The following CNTN5 variants were observed in gnomAD, a reference collection of about 807,000 sequenced individuals.
CNTN5 encodes the protein contactin 5.
In CNTN5, 77 loss-of-function variants were observed where a neutral mutation model predicts 129.1. That is an observed-to-expected ratio of 0.60 (90% CI 0.50 to 0.72). The LOEUF (loss-of-function observed/expected upper bound fraction) is 0.72, where lower values mean the gene tolerates loss of function less well. CNTN5 is among the 30% of genes least tolerant of loss of function. The pLI is 0.00. For synonymous variants in CNTN5, 509 were observed against 465.6 expected (o/e 1.09, Z -1.20); for missense variants, 1,478 against 1,328.8 (o/e 1.11, Z -1.75).
chr11:99,948,545 A>G (rs1332118316), intron 7 of CNTN5, among the ~76,000 whole-genome samples: 1 of 152,162 alleles, frequency 6.6e-6, no homozygotes, highest in Non-Finnish European at 1.5e-5. Context: ...ATTACATCCC[A>G]TGCATATAAA....
chr11:99,103,094 G>A (rs781149265), intron 1 of CNTN5, among the ~76,000 whole-genome samples: 7 of 152,068 alleles, frequency 4.6e-5, no homozygotes, highest in South Asian at 4.1e-4. Flanking sequence ...ATCAGATCTC[G>A]TAAGGCTTAT....
chr11:100,118,248 TA>T (rs1945903819), intron 13 of CNTN5, among the ~76,000 whole-genome samples: 1 of 151,806 alleles, frequency 6.6e-6, no homozygotes, highest in Non-Finnish European at 1.5e-5. Context: ...ACTGTTGGGG[TA>T]GTGTAGGAGA....
intron 23 of CNTN5, among the ~76,000 whole-genome samples, chr11:100,341,982 A>G (rs1407421744): frequency 6.6e-6 from 1 of 151,872 alleles, no homozygotes; most frequent in African/African-American, 2.4e-5. Context: ...AGCTATCATT[A>G]TAGGTGGGTT....
chr11:100,241,864 A>G (rs1949748802), intron 16 of CNTN5, among the ~76,000 whole-genome samples: 1 of 152,224 alleles, frequency 6.6e-6, no homozygotes, highest in Non-Finnish European at 1.5e-5. Flanking sequence ...AACTGCCTGA[A>G]GCATCACAAT....
intron 6 of CNTN5, among the ~76,000 whole-genome samples, chr11:99,891,151 A>T (rs943420798): frequency 6.6e-6 from 1 of 152,076 alleles, no homozygotes; most frequent in African/African-American, 2.4e-5. Context: ...ACTTTAGTTA[A>T]TAACAATATA....
chr11:99,257,922 C>T (rs937661719), intron 1 of CNTN5, among the ~76,000 whole-genome samples: 1 of 151,932 alleles, frequency 6.6e-6, no homozygotes. Context: ...AAGTATCATT[C>T]CTATTTTACG....
chr11:99,247,921 T>C (rs1446639257), intron 1 of CNTN5, among the ~76,000 whole-genome samples: 1 of 152,192 alleles, frequency 6.6e-6, no homozygotes, highest in Non-Finnish European at 1.5e-5. Flanking sequence ...GCAATAAACA[T>C]ATGTGTGCAA....
chr11:99,656,217 A>G lies in CNTN5; in HGVS notation c.55+99948A>G, dbSNP rs116448039. Among the ~76,000 whole-genome samples the G allele has an allele frequency of 3.0e-3, 458 of 152,206 alleles. 3 individuals are homozygous for G. Among genetic ancestry groups the G allele is most frequent in the African/African-American group, 0.01 (424 of 41,556 alleles). On this transcript the variant is annotated intron_variant, in intron 3 of 24. Coordinates refer to ENST00000524871, the MANE Select transcript of CNTN5 (RefSeq NM_014361.4). ...TTCATTTAAAAATGAATTGTAAGGT[A>G]TGAAAAAGAGATAGATTAAAACAAG...
At chr11:99,804,567 T>C (rs80284412) in intron 3 of CNTN5, among the ~76,000 whole-genome samples, 1,689 of 151,730 alleles carry the variant, frequency 0.011, 30 homozygotes, top group African/African-American at 0.038. Context: ...TGATATTACA[T>C]TTAATTTTAT....
intron 3 of CNTN5, among the ~76,000 whole-genome samples, chr11:99,713,146 C>T (rs912521383): frequency 1.3e-5 from 2 of 152,042 alleles, no homozygotes; most frequent in South Asian, 2.1e-4. Context: ...TTGTTTGTGT[C>T]CTCTTTGATT....
At chr11:100,046,778 TG>T (rs1555185330) in intron 9 of CNTN5, among the ~76,000 whole-genome samples, 1 of 152,098 alleles carries the variant, frequency 6.6e-6, no homozygotes, top group Non-Finnish European at 1.5e-5. Context: ...TTGTAGACTA[TG>T]AAAAAAAATG....
rs184995546 is a variant in CNTN5, at chr11:100,238,233, G to A, written c.2005+13421G>A. On this transcript the variant is annotated intron_variant, in intron 16 of 24. Coordinates refer to ENST00000524871, the MANE Select transcript of CNTN5 (RefSeq NM_014361.4). ...CTTAGTAAATATTAGTTGAATTTCAGTAGTTTAATTAAAAAATGACTCAAA... is the reference window on the plus strand; with the variant it reads ...CTTAGTAAATATTAGTTGAATTTCAATAGTTTAATTAAAAAATGACTCAAA... 3.5e-3 allele frequency among the ~76,000 whole-genome samples: 525 copies of A among 152,084 alleles called. 11 individuals are homozygous for A. Among genetic ancestry groups the A allele is most frequent in the Non-Finnish European group, 2.3e-3 (156 of 67,976 alleles).
intron 4 of CNTN5, among the ~76,000 whole-genome samples, chr11:99,836,580 G>T (rs972569409): frequency 2.0e-5 from 3 of 152,020 alleles, no homozygotes; most frequent in African/African-American, 7.3e-5. Context: ...CTTTGCTATT[G>T]TGAATAGTGC....
At chr11:99,322,179 G>A (rs376350464) in intron 1 of CNTN5, among the ~76,000 whole-genome samples, 2 of 152,100 alleles carry the variant, frequency 1.3e-5, no homozygotes, top group East Asian at 3.9e-4. Flanking sequence ...TATGAAGGTT[G>A]CGCCAGACTT....
chr11:99,796,629 T>A (rs1303022), intron 3 of CNTN5, among the ~76,000 whole-genome samples: 88,368 of 151,366 alleles, frequency 0.58, 26,537 homozygotes, highest in East Asian at 0.72. Flanking sequence ...AAACTCCAGG[T>A]GAGGCCAGCA....
At chr11:99,765,188 C>T (rs2583152) in intron 3 of CNTN5, among the ~76,000 whole-genome samples, 71,358 of 151,636 alleles carry the variant, frequency 0.47, 17,333 homozygotes, top group Non-Finnish European at 0.55. Context: ...ATTAGAAAGA[C>T]TAAGAAACAG....
chr11:99,209,047 C>A (rs1307812785), intron 1 of CNTN5, among the ~76,000 whole-genome samples: 1 of 151,832 alleles, frequency 6.6e-6, no homozygotes, highest in African/African-American at 2.4e-5. Context: ...AATAATGTTG[C>A]AAATATAAAA....
At chr11:100,297,776 CA>C in intron 19 of CNTN5, 81 bp downstream of exon 19, 1 of 1,074,352 alleles carries the variant, frequency 9.3e-7, no homozygotes. Context: ...TATGATTAAG[CA>C]GTCCACTTGA....
chr11:100,129,060 A>G (rs1379010402), intron 13 of CNTN5, among the ~76,000 whole-genome samples: 3 of 152,166 alleles, frequency 2.0e-5, no homozygotes, highest in African/African-American at 7.2e-5. Context: ...GCCAGAATAT[A>G]TATCCACTTT....
Sources: gnomAD v4.1 joint callset for allele counts (sites outside exome capture counted in the v4.1 genomes callset) on GRCh38, gnomAD v4.1.1 for gene constraint, MANE v1.5 for transcripts, NCBI Gene and HGNC (gene_info 2026-07-23, HGNC 2026-07-21) for gene names.